Variants in SHOC1 observed in about 807,000 individuals in gnomAD.
SHOC1 encodes the protein shortage in chiasmata 1.
A neutral mutation model predicts 179.2 loss-of-function variants in SHOC1; 136 were observed. The observed-to-expected ratio is 0.76, with a 90% CI of 0.66 to 0.87. The LOEUF (loss-of-function observed/expected upper bound fraction) is 0.87. SHOC1 is among the 40% of genes least tolerant of loss of function. The probability of loss-of-function intolerance (pLI) is 0.00; values close to 1 mark genes in which losing one functional copy is unlikely to be tolerated. For synonymous variants in SHOC1, 489 were observed against 586.6 expected, an observed-to-expected ratio of 0.83 and a Z score of 2.41; for missense variants, 1,538 against 1,700.8, an observed-to-expected ratio of 0.90 and a Z score of 1.68.
rs761087375 is a variant in SHOC1, at chr9:111,722,466, G to T, written c.2074C>A (p.Gln692Lys). ...TGTTCCTTTAAGAGAAACCTTGTTT[G>T]GTCAAAAATAACAGTGGCAAATTTC... ...NWKFATVIFD[Q>K]TRFLLKEQEK... The change falls in exon 15 of 28, where the codon CAA (glutamine) becomes AAA (lysine). Residue 692 changes from glutamine (Q) to lysine (K), a missense_variant. By Grantham distance (53) the Gln-to-Lys change is moderately conservative. Transcript: ENST00000682961. 1 of 1,612,058 alleles carries T rather than the reference G, an allele frequency of 6.2e-7. No homozygotes were observed. Among genetic ancestry groups the T allele is most frequent in the South Asian group, 1.1e-5 (1 of 90,620 alleles).
Position 111,708,260 on chromosome 9 carries a change from T to C in SHOC1, c.2489-336A>G, listed in dbSNP as rs189072126. ...CTCTGTCGCCCAGGCTGGAGTTCTGTGGTGCGATCTTGGCTCACTGCAACT... is the reference window on the plus strand; with the variant it reads ...CTCTGTCGCCCAGGCTGGAGTTCTGCGGTGCGATCTTGGCTCACTGCAACT... On this transcript the variant is annotated intron_variant, in intron 18 of 27. Transcript: ENST00000682961. Among the ~76,000 whole-genome samples the C allele has an allele frequency of 2.4e-3, 359 of 152,164 alleles. 3 individuals are homozygous for C. The highest frequency in any genetic ancestry group is 8.4e-3 in the African/African-American group (349 of 41,516).
At chr9:111,790,209 T>C (rs993694330) in intron 2 of SHOC1, among the ~76,000 whole-genome samples, 50 of 152,342 alleles carry the variant, frequency 3.3e-4, no homozygotes, top group African/African-American at 1.2e-3. Context: ...GTACTTATGA[T>C]GATAAAATCA....
intron 20 of SHOC1, among the ~76,000 whole-genome samples, chr9:111,706,331 T>G (rs908008993): frequency 1.3e-5 from 2 of 152,058 alleles, no homozygotes; most frequent in African/African-American, 4.8e-5. Context: ...TAAGTAAAAT[T>G]TAGAAGTTAG....
chr9:111,722,628 G>T (rs1564125720), intron 14 of SHOC1, 43 bp from the exon 15 acceptor site: 3 of 1,508,922 alleles, frequency 2.0e-6, no homozygotes, highest in South Asian at 1.3e-5. Context: ...TAATAAAGAT[G>T]GTATGCTCTT....
At chr9:111,748,392 C>G (rs1227901204) in intron 8 of SHOC1, among the ~76,000 whole-genome samples, 193 bp from the exon 9 acceptor site, 1 of 152,156 alleles carries the variant, frequency 6.6e-6, no homozygotes, top group Non-Finnish European at 1.5e-5. Context: ...CCCCCATGCA[C>G]ACTCCTTGTT....
intron 12 of SHOC1, among the ~76,000 whole-genome samples, chr9:111,728,600 G>T (rs1471176409): frequency 2.6e-5 from 4 of 152,164 alleles, no homozygotes; most frequent in African/African-American, 7.2e-5. Context: ...CATATTGTAT[G>T]ATTCCATTTA....
At chr9:111,702,443 G>A (rs897295306) in intron 22 of SHOC1, among the ~76,000 whole-genome samples, 1 of 152,140 alleles carries the variant, frequency 6.6e-6, no homozygotes, top group Non-Finnish European at 1.5e-5. Flanking sequence ...AGCAAGGAAG[G>A]CTCCTGAATC....
intron 2 of SHOC1, among the ~76,000 whole-genome samples, chr9:111,787,559 A>G (rs1836305113): frequency 6.6e-6 from 1 of 152,236 alleles, no homozygotes; most frequent in Admixed American, 6.5e-5. Flanking sequence ...CTGCAATCTC[A>G]TGATAAAACT....
intron 16 of SHOC1, among the ~76,000 whole-genome samples, chr9:111,717,617 A>C (rs1832854312): frequency 6.6e-6 from 1 of 152,018 alleles, no homozygotes; most frequent in Non-Finnish European, 1.5e-5. Context: ...AAAAAGTCTA[A>C]ATAATCTTGC....
intron 5 of SHOC1, among the ~76,000 whole-genome samples, chr9:111,771,347 T>C (rs1835598927): frequency 6.6e-6 from 1 of 151,620 alleles, no homozygotes; most frequent in African/African-American, 2.4e-5. Context: ...CATATTTTTA[T>C]ATTACATCTC....
intron 5 of SHOC1, among the ~76,000 whole-genome samples, chr9:111,773,136 A>C (rs1220658271): frequency 6.6e-6 from 1 of 152,052 alleles, no homozygotes; most frequent in Non-Finnish European, 1.5e-5. Context: ...GTTGCTAGTG[A>C]AAATTTTGGC....
chr9:111,785,360 T>G (rs1191440917), intron 3 of SHOC1, among the ~76,000 whole-genome samples: 1 of 151,976 alleles, frequency 6.6e-6, no homozygotes, highest in African/African-American at 2.4e-5. Context: ...TGCTGTATCC[T>G]CCTTACCAGT....
At chr9:111,729,367 C>T (rs1414172516) in intron 12 of SHOC1, among the ~76,000 whole-genome samples, 1 of 152,126 alleles carries the variant, frequency 6.6e-6, no homozygotes, top group East Asian at 1.9e-4. Flanking sequence ...ATTGGCCTCC[C>T]AAGTGCTGGA....
chr9:111,704,748 T>C (rs74700534), intron 21 of SHOC1, among the ~76,000 whole-genome samples: 88 of 32,448 alleles, frequency 2.7e-3, no homozygotes, highest in Non-Finnish European at 3.1e-3. Flanking sequence ...CATCTAATGT[T>C]GGTATGACCT....
chr9:111,786,236 C>A (rs989944936), intron 2 of SHOC1, among the ~76,000 whole-genome samples: 3 of 152,168 alleles, frequency 2.0e-5, no homozygotes, highest in Non-Finnish European at 2.9e-5. Flanking sequence ...GAGATTGAGA[C>A]CATCTGGCTA....
intron 16 of SHOC1, 134 bp from the exon 17 acceptor site, chr9:111,714,757 C>T (rs1832713230): frequency 3.9e-6 from 3 of 776,568 alleles, no homozygotes; most frequent in East Asian, 5.4e-5. Flanking sequence ...TGATTTTGAT[C>T]AAAGACACTA....
At chr9:111,704,283 T>C (rs964448279) in intron 21 of SHOC1, among the ~76,000 whole-genome samples, 3 of 152,238 alleles carry the variant, frequency 2.0e-5, no homozygotes, top group African/African-American at 7.2e-5. Flanking sequence ...TAATAATTCA[T>C]GAAATCAAAA....
In SHOC1 at chr9:111,699,964, A is replaced by G. The variant is rs144699686; in HGVS notation, c.3173T>C (p.Leu1058Pro). ...LVSFGLNSEE[L>P]DVKLIIAPGV... is the part of the protein sequence containing the mutation. The stretch of plus-strand genomic sequence containing the variant: ...ATAGGAAAAGAATACCTTTACATCC[A>G]GTTCTTCAGAGTTTAGCCCAAATGA... The change falls in exon 24 of 28, where the codon CTG becomes CCG. Residue 1058 changes from leucine (L) to proline (P), a missense_variant. By Grantham distance (98) the Leu-to-Pro change is moderately conservative (BLOSUM62 -3). Coordinates refer to ENST00000682961, the MANE Select transcript of SHOC1 (RefSeq NM_001378211.1). 6 of 1,600,864 alleles carry G rather than the reference A, an allele frequency of 3.7e-6. No individual in the cohort carries two copies. The highest frequency in any genetic ancestry group is 1.7e-4 in the Middle Eastern group (1 of 6,026).
intron 12 of SHOC1, among the ~76,000 whole-genome samples, chr9:111,731,944 T>G (rs1489720545): frequency 2.6e-5 from 4 of 152,130 alleles, no homozygotes; most frequent in African/African-American, 9.7e-5. Context: ...AAGACACAAT[T>G]ATCTGTGAAG....
Sources: gnomAD v4.1 joint callset for allele counts (sites outside exome capture counted in the v4.1 genomes callset) on GRCh38, gnomAD v4.1.1 for gene constraint, MANE v1.5 for transcripts, NCBI Gene and HGNC (gene_info 2026-07-23, HGNC 2026-07-21) for gene names.